Variants in CSTPP1 observed in about 807,000 individuals in gnomAD.
CSTPP1 encodes the protein centriolar satellite-associated tubulin polyglutamylase complex regulator 1.
At chr11:46,947,015 A>G in the CSTPP1 span, among the ~76,000 whole-genome samples, 1 of 152,240 alleles carries the variant, frequency 6.6e-6, no homozygotes, top group Non-Finnish European at 1.5e-5. Context: ...CCCCCCTTCC[A>G]TGAATGAAAA....
the CSTPP1 span, among the ~76,000 whole-genome samples, chr11:46,971,124 G>A: frequency 6.6e-6 from 1 of 152,196 alleles, no homozygotes; most frequent in Non-Finnish European, 1.5e-5. Context: ...CAAACTGTTA[G>A]CAGTGAATAC....
the CSTPP1 span, among the ~76,000 whole-genome samples, chr11:47,091,046 CAAAA>C: frequency 2.4e-5 from 2 of 83,684 alleles, no homozygotes; most frequent in Non-Finnish European, 2.2e-5. Flanking sequence ...GACTCCATCT[CAAAA>C]AAAAAAAAAA....
the CSTPP1 span, among the ~76,000 whole-genome samples, chr11:47,067,740 C>G: frequency 6.6e-6 from 1 of 152,238 alleles, no homozygotes; most frequent in East Asian, 1.9e-4. Flanking sequence ...TTAATTTCTG[C>G]TGTTTAAGTC....
At chr11:47,107,590 T>C in the CSTPP1 span, among the ~76,000 whole-genome samples, 1 of 152,210 alleles carries the variant, frequency 6.6e-6, no homozygotes, top group South Asian at 2.1e-4. Context: ...GTTTGGACAG[T>C]ATTGCCTTTT....
At chr11:47,130,235 G>A in the CSTPP1 span, among the ~76,000 whole-genome samples, 5 of 148,500 alleles carry the variant, frequency 3.4e-5, no homozygotes, top group East Asian at 6.0e-4. Context: ...TCAGCCTGGC[G>A]ACAGAGCAAG....
At chr11:46,958,389 CTGTT>C in the CSTPP1 span, among the ~76,000 whole-genome samples, 1 of 152,120 alleles carries the variant, frequency 6.6e-6, no homozygotes, top group Non-Finnish European at 1.5e-5. Context: ...TGCTAATTGA[CTGTT>C]TATGTTATTG....
chr11:47,026,313 A>T, the CSTPP1 span, among the ~76,000 whole-genome samples: 2 of 152,190 alleles, frequency 1.3e-5, no homozygotes, highest in Non-Finnish European at 2.9e-5. Flanking sequence ...ATTATTCTGG[A>T]TTTCAAGTGA....
chr11:47,136,600 G>A, the CSTPP1 span, among the ~76,000 whole-genome samples: 1 of 152,162 alleles, frequency 6.6e-6, no homozygotes, highest in Non-Finnish European at 1.5e-5. Flanking sequence ...AACGGGGGCA[G>A]GAGATCTGGA....
the CSTPP1 span, among the ~76,000 whole-genome samples, chr11:47,007,767 G>GATTT: frequency 6.6e-6 from 1 of 152,006 alleles, no homozygotes; most frequent in Non-Finnish European, 1.5e-5. Context: ...CTTCGGAGGG[G>GATTT]ATTTATATTT....
chr11:47,144,055 T>G, the CSTPP1 span, among the ~76,000 whole-genome samples: 1 of 152,180 alleles, frequency 6.6e-6, no homozygotes, highest in Non-Finnish European at 1.5e-5. Flanking sequence ...TCTCTTAACT[T>G]CTCTGAGCCC....
the CSTPP1 span, chr11:46,947,983 C>A: frequency 2.2e-6 from 1 of 448,922 alleles, no homozygotes; most frequent in Non-Finnish European, 4.5e-6. Context: ...GGCCAACTTA[C>A]AAAGACCTGT....
the CSTPP1 span, among the ~76,000 whole-genome samples, chr11:47,070,456 C>T: frequency 1.6e-4 from 24 of 152,252 alleles, no homozygotes; most frequent in African/African-American, 5.8e-4. Context: ...ATTCCTTGAT[C>T]CCACCTCAAA....
chr11:46,939,572 T>G, the CSTPP1 span, among the ~76,000 whole-genome samples: 1 of 151,996 alleles, frequency 6.6e-6, no homozygotes, highest in African/African-American at 2.4e-5. Flanking sequence ...GGAGGATTGC[T>G]TGAGGTCAGG....
chr11:47,064,906 G>C, the CSTPP1 span, among the ~76,000 whole-genome samples: 1 of 151,978 alleles, frequency 6.6e-6, no homozygotes, highest in Non-Finnish European at 1.5e-5. Flanking sequence ...TACCACACCC[G>C]CTAATTTTTG....
chr11:46,949,888 G>T, the CSTPP1 span, among the ~76,000 whole-genome samples: 1 of 152,082 alleles, frequency 6.6e-6, no homozygotes, highest in South Asian at 2.1e-4. Flanking sequence ...GGCCAGGCTG[G>T]TCTCAAACTC....
chr11:47,149,408 A>ACAGCACATGGGGATGACCTCGT, the CSTPP1 span, among the ~76,000 whole-genome samples: 1 of 152,152 alleles, frequency 6.6e-6, no homozygotes. Flanking sequence ...CAACTGGAAA[A>ACAGCACATGGGGATGACCTCGT]CAGCACATGG....
the CSTPP1 span, among the ~76,000 whole-genome samples, chr11:47,158,777 C>A: frequency 2.0e-5 from 3 of 152,168 alleles, no homozygotes; most frequent in African/African-American, 7.2e-5. Context: ...TCAAGGGATC[C>A]CCTCACCTTG....
At chr11:46,946,078 G>C in the CSTPP1 span, among the ~76,000 whole-genome samples, 1 of 151,932 alleles carries the variant, frequency 6.6e-6, no homozygotes, top group African/African-American at 2.4e-5. Context: ...ATATCTTTTT[G>C]TTGGGGGGAA....
chr11:47,027,337 AC>A, the CSTPP1 span, among the ~76,000 whole-genome samples: 1 of 151,906 alleles, frequency 6.6e-6, no homozygotes, highest in Admixed American at 6.6e-5. Context: ...ACATTTTAAA[AC>A]CCTGACAGGG....
Sources: allele counts gnomAD v4.1 joint callset (sites outside exome capture counted in the v4.1 genomes callset), GRCh38; gene constraint gnomAD v4.1.1; transcripts MANE v1.5; gene names NCBI Gene and HGNC (gene_info 2026-07-23, HGNC 2026-07-21).